The following PGCKA1 variants were observed in gnomAD, a reference collection of about 807,000 sequenced individuals.
The protein encoded by PGCKA1 is PDCD10 and GCKIII kinases-associated protein 1.
the PGCKA1 span, among the ~76,000 whole-genome samples, chr4:37,455,575 A>C: frequency 6.6e-6 from 1 of 152,238 alleles, no homozygotes; most frequent in Non-Finnish European, 1.5e-5. Context: ...CCGGAGATTT[A>C]GATAAATAAT....
the PGCKA1 span, among the ~76,000 whole-genome samples, chr4:37,513,899 T>C: frequency 6.6e-6 from 1 of 152,190 alleles, no homozygotes; most frequent in Non-Finnish European, 1.5e-5. Flanking sequence ...GAGAACCTCA[T>C]AATCGAAAAA....
At chr4:37,508,693 G>GTTTTTTTTTTTTTTTTTTT in the PGCKA1 span, among the ~76,000 whole-genome samples, 39 of 53,256 alleles carry the variant, frequency 7.3e-4, no homozygotes, top group African/African-American at 1.3e-3. Flanking sequence ...CTTTTTTTTA[G>GTTTTTTTTTTTTTTTTTTT]TATTTATTGA....
At chr4:37,468,917 A>G in the PGCKA1 span, among the ~76,000 whole-genome samples, 63,352 of 152,032 alleles carry the variant, frequency 0.42, 14,023 homozygotes, top group Non-Finnish European at 0.49. Flanking sequence ...CCTCATAACT[A>G]TGATATTCCT....
chr4:37,463,231 G>A, the PGCKA1 span, among the ~76,000 whole-genome samples: 1 of 152,122 alleles, frequency 6.6e-6, no homozygotes, highest in African/African-American at 2.4e-5. Context: ...GAGCAGTGTA[G>A]GGAAGTTGAA....
the PGCKA1 span, among the ~76,000 whole-genome samples, chr4:37,513,583 C>T: frequency 2.0e-5 from 3 of 152,166 alleles, no homozygotes; most frequent in Non-Finnish European, 4.4e-5. Context: ...CCATAAAATG[C>T]CCATCTCCAA....
the PGCKA1 span, chr4:37,591,475 C>T: frequency 1.3e-5 from 2 of 153,902 alleles, no homozygotes; most frequent in Non-Finnish European, 2.9e-5. Flanking sequence ...TAAAGTGCCT[C>T]ATGTGTCCCC....
chr4:37,574,930 A>G, the PGCKA1 span, among the ~76,000 whole-genome samples: 1 of 151,290 alleles, frequency 6.6e-6, no homozygotes, highest in East Asian at 1.9e-4. Context: ...ATGTTGTTGC[A>G]AAGTAAAGGA....
At chr4:37,568,898 T>C in the PGCKA1 span, among the ~76,000 whole-genome samples, 2 of 152,154 alleles carry the variant, frequency 1.3e-5, no homozygotes, top group Non-Finnish European at 2.9e-5. Flanking sequence ...GATTACAGCC[T>C]GGGCAACAAG....
chr4:37,488,196 A>G, the PGCKA1 span, among the ~76,000 whole-genome samples: 3 of 152,212 alleles, frequency 2.0e-5, no homozygotes, highest in African/African-American at 7.2e-5. Context: ...AAAATAAGAC[A>G]ATAATAGTTA....
the PGCKA1 span, among the ~76,000 whole-genome samples, chr4:37,521,891 A>G: frequency 1.3e-5 from 2 of 152,188 alleles, no homozygotes; most frequent in Admixed American, 1.3e-4. Flanking sequence ...TATATATTTA[A>G]AATTGTTATA....
chr4:37,524,337 G>T, the PGCKA1 span, among the ~76,000 whole-genome samples: 1 of 152,202 alleles, frequency 6.6e-6, no homozygotes, highest in African/African-American at 2.4e-5. Flanking sequence ...CTCTCACAAG[G>T]TTGCAGTCAG....
At chr4:37,531,643 A>C in the PGCKA1 span, among the ~76,000 whole-genome samples, 4 of 151,888 alleles carry the variant, frequency 2.6e-5, no homozygotes, top group Non-Finnish European at 5.9e-5. Flanking sequence ...CTGTAATCCC[A>C]GCACTTTGGG....
chr4:37,553,070 A>G, the PGCKA1 span, among the ~76,000 whole-genome samples: 2 of 137,222 alleles, frequency 1.5e-5, no homozygotes, highest in East Asian at 2.3e-4. Flanking sequence ...GCTTCGTTGC[A>G]GTGGGATTAC....
the PGCKA1 span, among the ~76,000 whole-genome samples, chr4:37,503,596 C>T: frequency 6.6e-6 from 1 of 152,166 alleles, no homozygotes; most frequent in Non-Finnish European, 1.5e-5. Context: ...TACTGATCTC[C>T]ACATCCTCAC....
chr4:37,544,693 A>C, the PGCKA1 span, among the ~76,000 whole-genome samples: 1 of 145,006 alleles, frequency 6.9e-6, no homozygotes, highest in African/African-American at 2.6e-5. Context: ...AGTTTGGGGG[A>C]ACAAGTAACA....
At chr4:37,486,177 G>A in the PGCKA1 span, among the ~76,000 whole-genome samples, 2 of 152,060 alleles carry the variant, frequency 1.3e-5, no homozygotes, top group Non-Finnish European at 2.9e-5. Flanking sequence ...TGCCACTTTA[G>A]CACCTTGTCA....
the PGCKA1 span, among the ~76,000 whole-genome samples, chr4:37,506,220 T>G: frequency 6.6e-6 from 1 of 152,196 alleles, no homozygotes; most frequent in Non-Finnish European, 1.5e-5. Flanking sequence ...TGTTTAAATT[T>G]TCAAAAATCA....
At chr4:37,517,892 C>T in the PGCKA1 span, among the ~76,000 whole-genome samples, 1 of 152,170 alleles carries the variant, frequency 6.6e-6, no homozygotes, top group African/African-American at 2.4e-5. Flanking sequence ...CAATCCCCAT[C>T]TCTCGCTCAC....
At chr4:37,482,535 G>A in the PGCKA1 span, among the ~76,000 whole-genome samples, 1 of 152,194 alleles carries the variant, frequency 6.6e-6, no homozygotes, top group Non-Finnish European at 1.5e-5. Flanking sequence ...AGAAAGCAGA[G>A]CATAAAAGTT....
Sources: gnomAD v4.1 joint callset for allele counts (sites outside exome capture counted in the v4.1 genomes callset) on GRCh38, gnomAD v4.1.1 for gene constraint, MANE v1.5 for transcripts, NCBI Gene and HGNC (gene_info 2026-07-23, HGNC 2026-07-21) for gene names.